SUMF2: variants seen among roughly 807,000 people sequenced by gnomAD.
The protein encoded by SUMF2 is sulfatase modifying factor 2.
In SUMF2, 45 loss-of-function variants were observed where a neutral mutation model predicts 44.8. The ratio of observed to expected loss-of-function variants is 1.00; its 90% CI spans 0.79 to 1.29. The LOEUF (loss-of-function observed/expected upper bound fraction) is 1.29. Among genes scored for constraint, SUMF2 ranks in the 50% most tolerant of loss-of-function variants. SUMF2 has a pLI of 0.00. For missense variants in SUMF2, 418 were observed against 389.9 expected (o/e 1.07, Z -0.61); for synonymous variants, 148 against 150.4 (o/e 0.98, Z 0.12).
chr7:56,076,721 T>C, intron 5 of SUMF2, 113 bp from the exon 6 acceptor site: 6 of 1,011,554 alleles, frequency 5.9e-6, no homozygotes, highest in Non-Finnish European at 8.7e-6. Context: ...ATTCACTCTT[T>C]TTTCTCATCA....
chr7:56,080,048 A>G lies in SUMF2; in HGVS notation c.*436A>G, dbSNP rs1795875894. 3.1e-6 allele frequency: 2 copies of G among 652,330 alleles called. No homozygotes were observed. The highest frequency in any genetic ancestry group is 4.1e-5 in the South Asian group (2 of 48,948). 40.4% of individuals were successfully genotyped at this position (652,330 alleles called of 1,614,324 possible). A position where few individuals can be genotyped will look rare whatever the true frequency, so the allele number is the denominator to read the frequency against. ...TCTCAGCCAGTTGCTGTGGAAGGAG[A>G]ATGCTTTCTTTGTGGCCTCATCTGT... On this transcript the variant is annotated 3_prime_UTR_variant, in exon 9 of 9. Coordinates refer to ENST00000434526, the MANE Select transcript of SUMF2 (RefSeq NM_015411.4).
intron 3 of SUMF2, 119 bp from the exon 4 acceptor site, chr7:56,074,055 C>G (rs1795365167): frequency 1.5e-6 from 1 of 685,732 alleles, no homozygotes; most frequent in Non-Finnish European, 2.6e-6. Flanking sequence ...TCAGCCACAA[C>G]CTCACTTAGA....
At chr7:56,067,723 T>C (rs1215975018) in intron 1 of SUMF2, among the ~76,000 whole-genome samples, 1 of 151,392 alleles carries the variant, frequency 6.6e-6, no homozygotes, top group Non-Finnish European at 1.5e-5. Context: ...CAAAACCCCA[T>C]CTCTACAAAA....
Position 56,064,333 on chromosome 7 carries a change from C to G in SUMF2, c.22C>G (p.Leu8Val), listed in dbSNP as rs372804065. 3.3e-5 allele frequency: 53 copies of G among 1,600,228 alleles called. No homozygotes were observed. Among genetic ancestry groups the G allele is most frequent in the Middle Eastern group, 3.3e-4 (2 of 6,054 alleles). ...CCTGATGGCCCGGCATGGGTTACCG[C>G]TGCTGCCCCTGCTGTCGCTCCTGGT... MARHGLP[L>V]LPLLSLLVGA... The change falls in exon 1 of 9, where the codon CTG becomes GTG. Residue 8 changes from leucine (L) to valine (V), a missense_variant. Leu to Val is a conservative substitution (Grantham distance 32). Coordinates refer to ENST00000434526, the MANE Select transcript of SUMF2 (RefSeq NM_015411.4).
chr7:56,084,078 T>C, downstream of SUMF2: 1 of 844,224 alleles, frequency 1.2e-6, no homozygotes, highest in Non-Finnish European at 1.9e-6. Context: ...ATTACCCTAG[T>C]TCCAGGCCAG....
chr7:56,067,871 G>A (rs945251930), intron 1 of SUMF2, among the ~76,000 whole-genome samples: 2 of 147,284 alleles, frequency 1.4e-5, no homozygotes, highest in African/African-American at 5.0e-5. Context: ...TCCAGTCTGG[G>A]TGACACAGCG....
At chr7:56,074,809 G>A (rs1795431187) in intron 5 of SUMF2, 73 bp downstream of exon 5, 5 of 1,588,644 alleles carry the variant, frequency 3.1e-6, no homozygotes, top group Non-Finnish European at 4.3e-6. Context: ...TTTAAAGGGT[G>A]GAAAGGGGCT....
intron 5 of SUMF2, 127 bp downstream of exon 5, chr7:56,074,863 T>G (rs1795437531): frequency 3.2e-6 from 4 of 1,232,212 alleles, no homozygotes; most frequent in Non-Finnish European, 3.4e-6. Context: ...TTTGGGAGGC[T>G]GGGGCAGGAG....
chr7:56,081,571 AG>A, downstream of SUMF2: 1 of 1,587,876 alleles, frequency 6.3e-7, no homozygotes. The surrounding 1 kb of genome is among the most constrained non-coding windows in gnomAD (Gnocchi z 4.6). Flanking sequence ...CTGGGAGAGG[AG>A]GGGGCTTAGA....
Position 56,079,586 on chromosome 7 carries a change from G to A in SUMF2, c.880G>A (p.Ala294Thr), listed in dbSNP as rs770042739. ...DNLGFRCAAD[A>T]GRPPGEL ...CCTCGGTTTCCGCTGTGCTGCAGAC[G>A]CAGGCCGGCCGCCAGGGGAGCTGTA... is the stretch of plus-strand genomic sequence containing the variant. The change falls in exon 9 of 9, where the codon GCA (alanine) becomes ACA (threonine). Residue 294 changes from alanine (A) to threonine (T), a missense_variant. Physicochemically the swap from Ala to Thr is moderately conservative, Grantham distance 58 (BLOSUM62 0). Coordinates refer to ENST00000434526, the MANE Select transcript of SUMF2 (RefSeq NM_015411.4). The A allele has an allele frequency of 8.1e-6, 13 of 1,614,074 alleles. No homozygotes were observed. The highest frequency in any genetic ancestry group is 1.3e-5 in the African/African-American group (1 of 74,952).
At chr7:56,082,083 C>T, downstream of SUMF2, 1 of 1,609,496 alleles carries the variant, frequency 6.2e-7, no homozygotes, top group Non-Finnish European at 8.5e-7. Flanking sequence ...TTACCCAGCG[C>T]CAGGGGCACC....
chr7:56,077,672 AAAT>A (rs1381967496), intron 6 of SUMF2, among the ~76,000 whole-genome samples: 1 of 151,922 alleles, frequency 6.6e-6, no homozygotes, highest in African/African-American at 2.4e-5. Flanking sequence ...AGTGAATAAA[AAAT>A]AAAACTAAAA....
At chr7:56,084,342 C>A (rs1796157921), downstream of SUMF2, 1 of 659,288 alleles carries the variant, frequency 1.5e-6, no homozygotes, top group South Asian at 1.8e-5. Flanking sequence ...GGACCCCAGA[C>A]CCAGATCAGA....
At chr7:56,072,463 G>A (rs967977006) in intron 2 of SUMF2, among the ~76,000 whole-genome samples, 3 of 149,820 alleles carry the variant, frequency 2.0e-5, no homozygotes, top group Non-Finnish European at 4.4e-5. Context: ...GGTGGCTCAC[G>A]CCTGTAATCT....
rs200931927 is a variant in SUMF2 at position 56,079,657 on chromosome 7, C to T, written c.*45C>T. Reference sequence around the variant, plus strand: ...GAGAAAAGCCTTCTAGGGTCACTGTCATTCCCTGGCCATGTTGCAAACAGC... The same window carrying T: ...GAGAAAAGCCTTCTAGGGTCACTGTTATTCCCTGGCCATGTTGCAAACAGC... On this transcript the variant is annotated 3_prime_UTR_variant, in exon 9 of 9. Transcript: ENST00000434526. 4.5e-5 allele frequency: 73 copies of T among 1,614,174 alleles called. No individual in the cohort carries two copies. Among genetic ancestry groups the T allele is most frequent in the Middle Eastern group, 1.6e-4 (1 of 6,062 alleles).
downstream of SUMF2, among the ~76,000 whole-genome samples, chr7:56,084,918 G>A (rs1038148895): frequency 2.0e-5 from 3 of 152,088 alleles, no homozygotes; most frequent in African/African-American, 7.2e-5. Flanking sequence ...GTCCCCAAGG[G>A]CTATACAGGA....
At chr7:56,074,807 G>A in intron 5 of SUMF2, 71 bp downstream of exon 5, 8 of 1,589,462 alleles carry the variant, frequency 5.0e-6, no homozygotes, top group Non-Finnish European at 6.9e-6. Flanking sequence ...GCTTTAAAGG[G>A]TGGAAAGGGG....
Position 56,076,838 on chromosome 7 carries a change from A to G in SUMF2, c.540A>G (p.Gln180=). The stretch of plus-strand genomic sequence containing the variant: ...GCCTCCTTGCTCTCCTCGCAGGTCA[A>G]GTTTACCCATGGGGGAACTGGTTCC... The part of the protein sequence containing the change: ...EFAARGGLKG[Q]VYPWGNWFQP... The change falls in exon 6 of 9, where the codon CAA becomes CAG. Residue 180 remains glutamine, a synonymous_variant. Transcript: ENST00000434526. 1 of 1,597,750 alleles carries G rather than the reference A, an allele frequency of 6.3e-7. No homozygotes were observed. The highest frequency in any genetic ancestry group is 8.5e-7 in the Non-Finnish European group (1 of 1,171,492).
chr7:56,081,210 G>A, downstream of SUMF2: 1 of 1,613,902 alleles, frequency 6.2e-7, no homozygotes. This position sits in a 1 kb window ranked among gnomAD's most constrained non-coding sequence, Gnocchi z 4.6. Flanking sequence ...GGGCATAGGG[G>A]TCTCGGATGA....
Sources: gnomAD v4.1 joint callset for allele counts (sites outside exome capture counted in the v4.1 genomes callset) on GRCh38, gnomAD v4.1.1 for gene constraint, Gnocchi (gnomAD v3.1) non-coding constraint, MANE v1.5 for transcripts, NCBI Gene and HGNC (gene_info 2026-07-23, HGNC 2026-07-21) for gene names.